The following HECA variants were observed in gnomAD, a reference collection of about 807,000 sequenced individuals.
HECA encodes headcase protein homolog.
In HECA, 13 loss-of-function variants were observed where a neutral mutation model predicts 37.6. The ratio of observed to expected loss-of-function variants is 0.35; its 90% CI spans 0.23 to 0.55. The LOEUF (loss-of-function observed/expected upper bound fraction) is 0.55. Among genes scored for constraint, HECA ranks in the 20% least tolerant of loss-of-function variants. The pLI is 0.90. For synonymous variants in HECA, 307 were observed against 291.5 expected, an observed-to-expected ratio of 1.05 and a Z score of -0.54; for missense variants, 527 against 701.9, an observed-to-expected ratio of 0.75 and a Z score of 2.82.
At chr6:139,145,381 T>C (rs994767745) in intron 1 of HECA, among the ~76,000 whole-genome samples, 3 of 152,180 alleles carry the variant, frequency 2.0e-5, no homozygotes, top group Admixed American at 6.5e-5. Flanking sequence ...ATGAGGATAA[T>C]ACTTGAAAAG....
At position 139,176,363 on chromosome 6, in the gene HECA, A is replaced by T. The variant is rs1159480508; in HGVS notation, c.1468-578A>T. Among the ~76,000 whole-genome samples, 2 of 152,148 alleles carry T rather than the reference A, an allele frequency of 1.3e-5. No homozygotes were observed. Among genetic ancestry groups the T allele is most frequent in the Non-Finnish European group, 2.9e-5 (2 of 68,014 alleles). ...AATGAGTCTAAATTGAGTCTGTTTT[A>T]TTTATAATTTGTGGTTATTCACTTA... On this transcript the variant is annotated intron_variant, in intron 3 of 3. Coordinates refer to ENST00000367658, the MANE Select transcript of HECA (RefSeq NM_016217.3). This position sits in a 1 kb window ranked among gnomAD's most constrained non-coding sequence, Gnocchi z 4.5.
chr6:139,137,965 G>A (rs771160052), intron 1 of HECA, among the ~76,000 whole-genome samples: 3 of 152,080 alleles, frequency 2.0e-5, no homozygotes, highest in Non-Finnish European at 2.9e-5. Context: ...AGAGGAGTGA[G>A]CCAAATTTTA....
At chr6:139,157,252 G>A (rs1774730221) in intron 1 of HECA, among the ~76,000 whole-genome samples, 1 of 152,218 alleles carries the variant, frequency 6.6e-6, no homozygotes, top group South Asian at 2.1e-4. Flanking sequence ...GGGTTTGGTC[G>A]GTTTTGACCG....
intron 1 of HECA, among the ~76,000 whole-genome samples, chr6:139,136,267 TAAAAAA>T (rs71674341): frequency 4.8e-4 from 63 of 132,038 alleles, no homozygotes; most frequent in African/African-American, 1.6e-3. Context: ...AGCCCGGAGT[TAAAAAA>T]AAAAAAAAAA....
At chr6:139,175,223 C>T (rs1466651748) in intron 3 of HECA, among the ~76,000 whole-genome samples, 1 of 152,134 alleles carries the variant, frequency 6.6e-6, no homozygotes, top group Non-Finnish European at 1.5e-5. Context: ...AAATATCTTG[C>T]TTTATTTCCA....
intron 1 of HECA, 125 bp downstream of exon 1, chr6:139,135,792 C>T (rs1247509788): frequency 3.4e-6 from 1 of 290,660 alleles, no homozygotes; most frequent in Non-Finnish European, 5.1e-6. Context: ...CACCCCGCCC[C>T]TCCGCCCCGC....
In HECA at chr6:139,180,697, GAA is replaced by G. The variant is rs1775123276; in HGVS notation, c.*3593_*3594del. The G allele has an allele frequency of 1.3e-5, 2 of 152,618 alleles. No individual in the cohort carries two copies. The highest frequency in any genetic ancestry group is 4.8e-5 in the African/African-American group (2 of 41,450). The allele number at this position is 152,618 out of a possible 1,614,324, so 9.5% of individuals were successfully genotyped here. On this transcript the variant is annotated 3_prime_UTR_variant, in exon 4 of 4. Transcript: ENST00000367658. ...AGGAAAGACAGTGTAAATAGTTAAA[GAA>G]TGTTGATAAAATTGAAACATTTGGT...
At chr6:139,155,379 A>T (rs1774699239) in intron 1 of HECA, among the ~76,000 whole-genome samples, 1 of 152,180 alleles carries the variant, frequency 6.6e-6, no homozygotes, top group Non-Finnish European at 1.5e-5. Flanking sequence ...AGGACATTAC[A>T]TTACTGTAGA....
chr6:139,156,842 A>G (rs924817379), intron 1 of HECA, among the ~76,000 whole-genome samples: 1 of 152,204 alleles, frequency 6.6e-6, no homozygotes, highest in Non-Finnish European at 1.5e-5. Context: ...TGCTTCATGA[A>G]TCTCTGTTAC....
At chr6:139,167,386 C>A in intron 2 of HECA, 62 bp downstream of exon 2, 8 of 1,311,050 alleles carry the variant, frequency 6.1e-6, no homozygotes, top group Non-Finnish European at 5.3e-6. Flanking sequence ...ACAAACAAGA[C>A]AGATTGCTCT....
intron 1 of HECA, among the ~76,000 whole-genome samples, chr6:139,152,418 A>ATGTGTGTGTGTGTGTGTG (rs56410451): frequency 0.014 from 2,073 of 147,472 alleles, 24 homozygotes; most frequent in South Asian, 0.027. Context: ...GAAGCATTGG[A>ATGTGTGTGTGTGTGTGTG]TGTGTGTGTG....
chr6:139,161,768 T>G (rs1437870820), intron 1 of HECA, among the ~76,000 whole-genome samples: 1 of 152,270 alleles, frequency 6.6e-6, no homozygotes, highest in Non-Finnish European at 1.5e-5. Context: ...CTTGGGTTAG[T>G]AAAATTTGGT....
chr6:139,150,931 T>C (rs1289931930), intron 1 of HECA: 2 of 152,234 alleles, frequency 1.3e-5, no homozygotes, highest in African/African-American at 4.8e-5. Context: ...AGCAAGTTGC[T>C]TCAAGTTAGT....
chr6:139,160,171 C>T (rs1774777397), intron 1 of HECA, among the ~76,000 whole-genome samples: 1 of 152,160 alleles, frequency 6.6e-6, no homozygotes, highest in Non-Finnish European at 1.5e-5. Context: ...TTTATTTTAA[C>T]TTGAGCAGAA....
At chr6:139,149,318 C>A (rs949238406) in intron 1 of HECA, among the ~76,000 whole-genome samples, 1 of 152,220 alleles carries the variant, frequency 6.6e-6, no homozygotes, top group Non-Finnish European at 1.5e-5. Flanking sequence ...TTTTGCAAGG[C>A]TGCCAAACCT....
At chr6:139,165,732 G>A (rs1582945691) in intron 1 of HECA, among the ~76,000 whole-genome samples, 1 of 152,194 alleles carries the variant, frequency 6.6e-6, no homozygotes, top group Non-Finnish European at 1.5e-5. Flanking sequence ...CTTAAGAATT[G>A]GGTTAGCGGA....
At chr6:139,173,909 G>A (rs780819415) in intron 2 of HECA, among the ~76,000 whole-genome samples, 5 of 152,198 alleles carry the variant, frequency 3.3e-5, no homozygotes, top group Non-Finnish European at 7.4e-5. Flanking sequence ...TGGTTGTGGT[G>A]TAATTCTGGG....
At position 139,176,482 on chromosome 6, in the gene HECA, C is replaced by T. The variant is rs572648677; in HGVS notation, c.1468-459C>T. On this transcript the variant is annotated intron_variant, in intron 3 of 3. Coordinates refer to ENST00000367658, the MANE Select transcript of HECA (RefSeq NM_016217.3). The surrounding 1 kb of genome is among the most constrained non-coding windows in gnomAD (Gnocchi z 4.5). ...TGCAGGGTGCTGGGAACTCCAGAAG[C>T]CTCAGACCAGCACCGCACTTCCTGG... Among the ~76,000 whole-genome samples the T allele has an allele frequency of 6.6e-6, 1 of 152,272 alleles. No individual in the cohort carries two copies. Among genetic ancestry groups the T allele is most frequent in the Admixed American group, 6.5e-5 (1 of 15,298 alleles).
At chr6:139,158,670 C>A (rs867200596) in intron 1 of HECA, among the ~76,000 whole-genome samples, 249 of 123,000 alleles carry the variant, frequency 2.0e-3, no homozygotes, top group South Asian at 3.3e-3. Flanking sequence ...GACCCTGTCT[C>A]AAAAAAAAAA....
Sources: allele counts gnomAD v4.1 joint callset (sites outside exome capture counted in the v4.1 genomes callset), GRCh38; gene constraint gnomAD v4.1.1; non-coding constraint Gnocchi (gnomAD v3.1); transcripts MANE v1.5; gene names NCBI Gene and HGNC (gene_info 2026-07-23, HGNC 2026-07-21).